DLC1: variants seen among roughly 807,000 people sequenced by gnomAD.
The protein encoded by DLC1 is rho GTPase-activating protein 7.
In DLC1, 54 loss-of-function variants were observed where a neutral mutation model predicts 140.3. That is an observed-to-expected ratio of 0.38 (90% CI 0.31 to 0.48). The LOEUF (loss-of-function observed/expected upper bound fraction) is 0.48, where lower values mean the gene tolerates loss of function less well. DLC1 is among the 20% of genes least tolerant of loss of function. DLC1 has a pLI of 0.96. For synonymous variants in DLC1, 986 were observed against 728.1 expected, an observed-to-expected ratio of 1.35 and a Z score of -5.70; for missense variants, 2,536 against 1,907.0, an observed-to-expected ratio of 1.33 and a Z score of -6.14.
chr8:13,261,223 G>A (rs79078426), intron 5 of DLC1, among the ~76,000 whole-genome samples: 1,807 of 152,312 alleles, frequency 0.012, 17 homozygotes, highest in Middle Eastern at 0.027. Flanking sequence ...TGGCCTCTCA[G>A]TAGAGGTAAC....
chr8:13,124,157 A>G (rs1821356316), intron 5 of DLC1, among the ~76,000 whole-genome samples: 1 of 152,230 alleles, frequency 6.6e-6, no homozygotes, highest in South Asian at 2.1e-4. Flanking sequence ...CTAAGCATGA[A>G]GAACTTGTGT....
intron 1 of DLC1, among the ~76,000 whole-genome samples, chr8:13,503,258 G>T (rs553041332): frequency 1.3e-5 from 2 of 152,116 alleles, no homozygotes; most frequent in Admixed American, 6.5e-5. Flanking sequence ...GCAAAAATTA[G>T]CCAGGAGTGG....
chr8:13,297,837 G>C (rs1832026014), intron 5 of DLC1, among the ~76,000 whole-genome samples: 2 of 152,108 alleles, frequency 1.3e-5, no homozygotes, highest in African/African-American at 4.8e-5. Context: ...TGATCAGACT[G>C]GGAACAGTGG....
intron 4 of DLC1, among the ~76,000 whole-genome samples, chr8:13,329,125 G>C (rs1833488415): frequency 6.6e-6 from 1 of 152,174 alleles, no homozygotes; most frequent in South Asian, 2.1e-4. Context: ...CTGGGAAAAA[G>C]ATGAAGAATC....
intron 2 of DLC1, among the ~76,000 whole-genome samples, chr8:13,473,131 G>C (rs4376497): frequency 2.0e-5 from 3 of 151,910 alleles, no homozygotes; most frequent in African/African-American, 4.8e-5. Flanking sequence ...GAGACACCCA[G>C]TGTTCAGGTA....
chr8:13,109,911 CA>C (rs1321941514), intron 7 of DLC1, among the ~76,000 whole-genome samples: 1 of 151,092 alleles, frequency 6.6e-6, no homozygotes, highest in Non-Finnish European at 1.5e-5. Flanking sequence ...AAAACAGAAA[CA>C]AAAAAAACAA....
chr8:13,441,774 G>T (rs549840012), intron 2 of DLC1, among the ~76,000 whole-genome samples: 1 of 152,156 alleles, frequency 6.6e-6, no homozygotes, highest in African/African-American at 2.4e-5. Flanking sequence ...CGTGAACATG[G>T]CCATACTGCC....
rs1001709624 is a variant in DLC1 at position 13,356,054 on chromosome 8, C to A, written c.1314+37499G>T. On this transcript the variant is annotated intron_variant, in intron 4 of 17. Transcript: ENST00000276297. ...GCAGTGAGCCGGGATCGCGCCACTG[C>A]ACTGCAGCCTGAGTGACAGAGCAAG... is the stretch of plus-strand genomic sequence containing the variant. Among the ~76,000 whole-genome samples, 16 of 126,970 alleles carry A rather than the reference C, an allele frequency of 1.3e-4. 1 individual carries two copies. The highest frequency in any genetic ancestry group is 2.5e-4 in the Non-Finnish European group (16 of 64,800). The allele number at this position is 126,970 out of a possible 152,430, so 83.3% of individuals were successfully genotyped here.
intron 6 of DLC1, 44 bp from the exon 7 acceptor site, chr8:13,110,867 C>G: frequency 6.3e-7 from 1 of 1,580,274 alleles, no homozygotes; most frequent in Non-Finnish European, 8.7e-7. Context: ...CGCCTAAAAC[C>G]CAATTTGCCA....
intron 5 of DLC1, among the ~76,000 whole-genome samples, chr8:13,297,435 C>G (rs192474702): frequency 4.7e-4 from 72 of 151,946 alleles, no homozygotes; most frequent in African/African-American, 1.6e-3. Flanking sequence ...TTGCTAAACC[C>G]CATAAAACAG....
chr8:13,149,112 G>A (rs1189158738), intron 5 of DLC1, among the ~76,000 whole-genome samples: 3 of 152,074 alleles, frequency 2.0e-5, no homozygotes, highest in African/African-American at 7.2e-5. Flanking sequence ...TTATGATACT[G>A]TTTGGAAATC....
intron 2 of DLC1, among the ~76,000 whole-genome samples, chr8:13,410,846 C>G (rs1205372372): frequency 6.6e-6 from 1 of 152,174 alleles, no homozygotes; most frequent in Non-Finnish European, 1.5e-5. Flanking sequence ...AACCAAGAAT[C>G]TGCAGCAGAG....
At chr8:13,520,559 C>T (rs1802733327) in intron 1 of DLC1, among the ~76,000 whole-genome samples, 1 of 151,716 alleles carries the variant, frequency 6.6e-6, no homozygotes, top group East Asian at 1.9e-4. Flanking sequence ...CACCATGGCA[C>T]GTGTATACCT....
At position 13,589,224 on chromosome 8, in the gene DLC1, G is replaced by A. The variant is rs187145581; in HGVS notation, c.-126+15313C>T. ...CCATTCTTAGCCCAGAGATGCTTAT[G>A]TATGCTTTTTTAATGTTATAATAGA... On this transcript the variant is annotated intron_variant, in intron 1 of 1. Transcript: ENST00000631382. Among the ~76,000 whole-genome samples the A allele has an allele frequency of 2.6e-4, 40 of 152,108 alleles. No homozygotes were observed. In the East Asian group the frequency reaches 7.1e-3, roughly 27 times the overall value.
At position 13,453,554 on chromosome 8, in the gene DLC1, ATATT is replaced by A. The variant is rs1381680966; in HGVS notation, c.1023+45491_1023+45494del. On this transcript the variant is annotated intron_variant, in intron 2 of 17. Transcript: ENST00000276297. ...TATATATATACATATATATATATATATATTTTTTTTTTTTTTTTTTCAGATAGAA... is the reference window on the plus strand; with the variant it reads ...TATATATATACATATATATATATATATTTTTTTTTTTTTTTTCAGATAGAA... Among the ~76,000 whole-genome samples, 327 of 33,340 alleles carry A rather than the reference ATATT, an allele frequency of 9.8e-3. 40 individuals are homozygous for A. The South Asian group carries it at 0.16, about 16-fold the overall frequency. 21.9% of individuals were successfully genotyped at this position (33,340 alleles called of 152,430 possible).
At chr8:13,484,039 C>A (rs769827887) in intron 2 of DLC1, among the ~76,000 whole-genome samples, 6 of 152,090 alleles carry the variant, frequency 3.9e-5, no homozygotes, top group Admixed American at 2.0e-4. Flanking sequence ...CAGATCATGC[C>A]ATTGCACTCC....
chr8:13,179,322 G>T (rs931403960), intron 5 of DLC1, among the ~76,000 whole-genome samples: 1 of 152,066 alleles, frequency 6.6e-6, no homozygotes, highest in African/African-American at 2.4e-5. Context: ...GTAATGTTTT[G>T]TTTCTTGATG....
At chr8:13,184,909 C>T (rs1406485519) in intron 5 of DLC1, among the ~76,000 whole-genome samples, 1 of 152,122 alleles carries the variant, frequency 6.6e-6, no homozygotes, top group Non-Finnish European at 1.5e-5. Context: ...GTTAAAGTCT[C>T]TCATTGTTTT....
At chr8:13,525,695 G>T (rs1802900635) in intron 1 of DLC1, among the ~76,000 whole-genome samples, 1 of 152,100 alleles carries the variant, frequency 6.6e-6, no homozygotes, top group Non-Finnish European at 1.5e-5. Context: ...TTCCTTATGG[G>T]AGACCATATA....
Sources: allele counts gnomAD v4.1 joint callset (sites outside exome capture counted in the v4.1 genomes callset), GRCh38; gene constraint gnomAD v4.1.1; transcripts MANE v1.5; gene names NCBI Gene and HGNC (gene_info 2026-07-23, HGNC 2026-07-21).